SPMIP11: variants seen among roughly 807,000 people sequenced by gnomAD.
SPMIP11 encodes sperm microtubule inner protein 11.
the SPMIP11 span, among the ~76,000 whole-genome samples, chr12:48,762,111 T>G: frequency 3.7e-5 from 5 of 135,906 alleles, no homozygotes; most frequent in African/African-American, 1.4e-4. Flanking sequence ...CAGGCTGGAG[T>G]GCAGTGGCGC....
chr12:48,765,639 C>A, the SPMIP11 span: 1 of 702,988 alleles, frequency 1.4e-6, no homozygotes, highest in Non-Finnish European at 2.6e-6. Context: ...AATGACAGGA[C>A]CTTCAGTCTG....
chr12:48,743,857 G>A, the SPMIP11 span, among the ~76,000 whole-genome samples: 30 of 148,494 alleles, frequency 2.0e-4, no homozygotes, highest in Non-Finnish European at 3.4e-4. Flanking sequence ...ACTTGAACCC[G>A]GGAGGTAGAG....
the SPMIP11 span, chr12:48,765,704 G>C: frequency 5.7e-6 from 4 of 702,134 alleles, no homozygotes; most frequent in African/African-American, 5.2e-5. Flanking sequence ...AGAGTGCAGA[G>C]GGGGAAAGAA....
the SPMIP11 span, among the ~76,000 whole-genome samples, chr12:48,761,888 CTTT>C: frequency 7.4e-6 from 1 of 135,734 alleles, no homozygotes; most frequent in Non-Finnish European, 1.6e-5. Flanking sequence ...ATGCCCAGCT[CTTT>C]TTTTTTTTTT....
the SPMIP11 span, among the ~76,000 whole-genome samples, chr12:48,728,579 G>A: frequency 1.3e-5 from 2 of 151,980 alleles, no homozygotes; most frequent in African/African-American, 2.4e-5. Flanking sequence ...GTGATGGCGG[G>A]CGCCTGTAGT....
the SPMIP11 span, among the ~76,000 whole-genome samples, chr12:48,732,996 C>T: frequency 6.6e-6 from 1 of 151,514 alleles, no homozygotes; most frequent in Non-Finnish European, 1.5e-5. Context: ...TGCACTCCAG[C>T]CTGGGCAACA....
the SPMIP11 span, among the ~76,000 whole-genome samples, chr12:48,735,003 CAAAAA>C: frequency 2.4e-5 from 2 of 84,108 alleles, no homozygotes; most frequent in Middle Eastern, 6.9e-3. Context: ...GACTCTGTCT[CAAAAA>C]AAAAAAAAAA....
At chr12:48,761,636 G>T in the SPMIP11 span, among the ~76,000 whole-genome samples, 2 of 146,628 alleles carry the variant, frequency 1.4e-5, no homozygotes, top group Non-Finnish European at 3.0e-5. Context: ...AAGCATGTAG[G>T]ACATCAAAGC....
chr12:48,768,287 A>C, the SPMIP11 span: 3 of 460,100 alleles, frequency 6.5e-6, no homozygotes, highest in Non-Finnish European at 1.2e-5. Context: ...CTCAGGCAAG[A>C]GGCCTCCCTC....
chr12:48,753,021 G>A, the SPMIP11 span, among the ~76,000 whole-genome samples: 6 of 151,984 alleles, frequency 3.9e-5, no homozygotes, highest in Non-Finnish European at 1.5e-5. Context: ...GGTCCAGGAG[G>A]GCCCTGTTCT....
At chr12:48,734,328 T>G in the SPMIP11 span, among the ~76,000 whole-genome samples, 1 of 150,634 alleles carries the variant, frequency 6.6e-6, no homozygotes, top group Non-Finnish European at 1.5e-5. Flanking sequence ...CCAGGCTGGT[T>G]ACCAACTCCT....
At chr12:48,765,603 C>G in the SPMIP11 span, 1 of 702,944 alleles carries the variant, frequency 1.4e-6, no homozygotes, top group Non-Finnish European at 2.6e-6. Context: ...TCTCTTCTTT[C>G]CAGGTTTATG....
At chr12:48,740,026 T>C in the SPMIP11 span, among the ~76,000 whole-genome samples, 2 of 152,204 alleles carry the variant, frequency 1.3e-5, no homozygotes, top group Non-Finnish European at 2.9e-5. Context: ...AAATATCTCA[T>C]ATGCTCTTAT....
At chr12:48,764,948 A>G in the SPMIP11 span, 2 of 702,934 alleles carry the variant, frequency 2.8e-6, no homozygotes, top group South Asian at 1.5e-5. Context: ...AAACCATGCC[A>G]TGGATCCGGA....
At chr12:48,760,014 C>T in the SPMIP11 span, among the ~76,000 whole-genome samples, 1 of 152,184 alleles carries the variant, frequency 6.6e-6, no homozygotes, top group African/African-American at 2.4e-5. Flanking sequence ...CCAGGTTGGT[C>T]TCAAACTCCT....
At chr12:48,730,605 G>A in the SPMIP11 span, among the ~76,000 whole-genome samples, 1 of 152,188 alleles carries the variant, frequency 6.6e-6, no homozygotes, top group East Asian at 1.9e-4. Flanking sequence ...TAACATTCCT[G>A]TGAAGTAGGT....
chr12:48,729,719 A>G, the SPMIP11 span, among the ~76,000 whole-genome samples: 1 of 151,754 alleles, frequency 6.6e-6, no homozygotes, highest in Admixed American at 6.6e-5. Flanking sequence ...AAAAAAAAAA[A>G]AAAAAAAAGA....
the SPMIP11 span, among the ~76,000 whole-genome samples, chr12:48,764,007 A>ATTTTTTTT: frequency 7.5e-6 from 1 of 133,512 alleles, no homozygotes; most frequent in Non-Finnish European, 1.6e-5. Flanking sequence ...TTTGAGATGG[A>ATTTTTTTT]GTTTCCCTCT....
the SPMIP11 span, among the ~76,000 whole-genome samples, chr12:48,739,466 G>A: frequency 6.6e-6 from 1 of 152,130 alleles, no homozygotes; most frequent in Non-Finnish European, 1.5e-5. Context: ...ACCTGTGCCA[G>A]CTATATTAGT....
Sources: allele counts gnomAD v4.1 joint callset (sites outside exome capture counted in the v4.1 genomes callset), GRCh38; gene constraint gnomAD v4.1.1; transcripts MANE v1.5; gene names NCBI Gene and HGNC (gene_info 2026-07-23, HGNC 2026-07-21).